ST6GALNAC3: variants seen among roughly 807,000 people sequenced by gnomAD.
ST6GALNAC3 encodes the protein ST6 N-acetylgalactosaminide alpha-2,6-sialyltransferase 3, also known as alpha-N-acetylgalactosaminide alpha-2,6-sialyltransferase 3.
In ST6GALNAC3, 25 loss-of-function variants were observed where a neutral mutation model predicts 32.7. The ratio of observed to expected loss-of-function variants is 0.76; its 90% confidence interval spans 0.56 to 1.07. The LOEUF (loss-of-function observed/expected upper bound fraction) is 1.07, where lower values mean the gene tolerates loss of function less well. ST6GALNAC3 is among the 50% of genes least tolerant of loss of function. ST6GALNAC3 has a pLI of 0.00. For missense variants in ST6GALNAC3, 355 were observed against 382.4 expected (o/e 0.93, Z 0.60); for synonymous variants, 129 against 133.1 (o/e 0.97, Z 0.21).
chr1:76,203,738 T>C (rs1654666313), intron 1 of ST6GALNAC3, among the ~76,000 whole-genome samples: 1 of 152,234 alleles, frequency 6.6e-6, no homozygotes, highest in African/African-American at 2.4e-5. Flanking sequence ...TGTATTCTAC[T>C]ATATAGATAT....
chr1:76,293,474 A>G (rs1017274138), intron 1 of ST6GALNAC3, among the ~76,000 whole-genome samples: 2 of 152,146 alleles, frequency 1.3e-5, no homozygotes, highest in Admixed American at 6.5e-5. Context: ...CTCTCTATTG[A>G]TACTATACAT....
intron 1 of ST6GALNAC3, among the ~76,000 whole-genome samples, chr1:76,099,288 A>G (rs1041341551): frequency 1.3e-5 from 2 of 152,152 alleles, no homozygotes; most frequent in Non-Finnish European, 2.9e-5. Flanking sequence ...AAATTCCACA[A>G]AAATTGTGGA....
At chr1:76,615,327 G>A (rs1648224570) in intron 3 of ST6GALNAC3, among the ~76,000 whole-genome samples, 1 of 152,046 alleles carries the variant, frequency 6.6e-6, no homozygotes, top group Non-Finnish European at 1.5e-5. Context: ...AGGCCCTTAA[G>A]ACTCAGCAGA....
intron 1 of ST6GALNAC3, among the ~76,000 whole-genome samples, chr1:76,194,481 T>C (rs1486008046): frequency 6.6e-6 from 1 of 150,608 alleles, no homozygotes; most frequent in African/African-American, 2.5e-5. Context: ...ATTTAATTTA[T>C]TTCAAAGTAA....
intron 2 of ST6GALNAC3, among the ~76,000 whole-genome samples, chr1:76,324,281 C>T (rs1390305287): frequency 2.0e-5 from 3 of 152,212 alleles, no homozygotes; most frequent in Non-Finnish European, 4.4e-5. Flanking sequence ...AGTGAATATT[C>T]TCCCATTCCT....
intron 1 of ST6GALNAC3, among the ~76,000 whole-genome samples, chr1:76,099,160 A>G (rs1231622061): frequency 6.6e-6 from 1 of 152,084 alleles, no homozygotes; most frequent in African/African-American, 2.4e-5. Context: ...GTAGTTTTTT[A>G]TGATAAGTTT....
At position 76,278,957 on chromosome 1, in the gene ST6GALNAC3, A is replaced by G. The variant is rs112066914; in HGVS notation, c.19-34848A>G. On this transcript the variant is annotated intron_variant, in intron 1 of 4. Transcript: ENST00000328299. The stretch of plus-strand genomic sequence containing the variant: ...ACAATTTTCTAAGCATTTGAGTACA[A>G]TGACCGGAATGGATAATCCTTTCTG... Among the ~76,000 whole-genome samples the G allele has an allele frequency of 1.8e-3, 281 of 152,336 alleles. 4 individuals are homozygous for G. The highest frequency in any genetic ancestry group is 6.4e-3 in the African/African-American group (267 of 41,582).
chr1:76,418,791 C>A lies in ST6GALNAC3; in HGVS notation c.623+6374C>A, dbSNP rs147431846. Among the ~76,000 whole-genome samples, 9 of 152,120 alleles carry A rather than the reference C, an allele frequency of 5.9e-5. No individual in the cohort carries two copies. In the East Asian group the frequency reaches 1.6e-3, roughly 26 times the overall value. On this transcript the variant is annotated intron_variant, in intron 3 of 4. Coordinates refer to ENST00000328299, the MANE Select transcript of ST6GALNAC3 (RefSeq NM_152996.4). ...TCCATAGGACTCCTTAGTCAAAAAG[C>A]ATAATACTGCATTCAGGGTTGTGTT... is the stretch of plus-strand genomic sequence containing the variant.
chr1:76,195,408 C>T (rs1654146403), intron 1 of ST6GALNAC3, among the ~76,000 whole-genome samples: 1 of 152,202 alleles, frequency 6.6e-6, no homozygotes, highest in Admixed American at 6.5e-5. Flanking sequence ...TTTCCCATTT[C>T]ATCACACAGA....
At chr1:76,466,960 G>A (rs1409291571) in intron 3 of ST6GALNAC3, among the ~76,000 whole-genome samples, 3 of 151,974 alleles carry the variant, frequency 2.0e-5, no homozygotes, top group Non-Finnish European at 4.4e-5. Flanking sequence ...AAAACTACTT[G>A]ACTGTGAAGA....
At chr1:76,594,900 TG>T (rs559538272) in intron 3 of ST6GALNAC3, among the ~76,000 whole-genome samples, 32 of 152,352 alleles carry the variant, frequency 2.1e-4, no homozygotes, top group African/African-American at 7.7e-4. Flanking sequence ...AGTGTTGCAC[TG>T]TATCCCACAT....
intron 3 of ST6GALNAC3, among the ~76,000 whole-genome samples, chr1:76,534,433 A>G (rs1038229784): frequency 3.9e-5 from 6 of 152,154 alleles, no homozygotes; most frequent in African/African-American, 1.4e-4. Flanking sequence ...CATAATGTAC[A>G]CATCGAGATC....
At chr1:76,541,288 C>T (rs953724270) in intron 3 of ST6GALNAC3, among the ~76,000 whole-genome samples, 2 of 152,018 alleles carry the variant, frequency 1.3e-5, no homozygotes, top group South Asian at 2.1e-4. Context: ...GAGTATGGAA[C>T]GTGGATCCAA....
chr1:76,557,944 A>T (rs750350226), intron 3 of ST6GALNAC3, among the ~76,000 whole-genome samples: 3 of 152,182 alleles, frequency 2.0e-5, no homozygotes, highest in Non-Finnish European at 4.4e-5. Flanking sequence ...TAAGAGGAAG[A>T]ATACAAAAGA....
chr1:76,098,090 G>A (rs1647165278), intron 1 of ST6GALNAC3, among the ~76,000 whole-genome samples: 1 of 152,166 alleles, frequency 6.6e-6, no homozygotes, highest in African/African-American at 2.4e-5. Context: ...GGCAATAAGA[G>A]ATGAGGAAAT....
chr1:76,257,742 T>C (rs1657999939), intron 1 of ST6GALNAC3, among the ~76,000 whole-genome samples: 1 of 152,048 alleles, frequency 6.6e-6, no homozygotes. Flanking sequence ...TGGGCCAAGA[T>C]TCACAGTTGA....
At chr1:76,155,765 C>T (rs375904186) in intron 1 of ST6GALNAC3, among the ~76,000 whole-genome samples, 23 of 152,280 alleles carry the variant, frequency 1.5e-4, no homozygotes, top group African/African-American at 5.1e-4. Flanking sequence ...GTGTGAGCCA[C>T]CGCGCCCGGC....
intron 2 of ST6GALNAC3, among the ~76,000 whole-genome samples, chr1:76,397,181 T>G (rs1571090427): frequency 6.6e-6 from 1 of 152,080 alleles, no homozygotes; most frequent in East Asian, 1.9e-4. Flanking sequence ...ATTTAAATCT[T>G]AATATCTGAT....
At chr1:76,330,747 C>T (rs1459662513) in intron 2 of ST6GALNAC3, among the ~76,000 whole-genome samples, 1 of 152,126 alleles carries the variant, frequency 6.6e-6, no homozygotes, top group South Asian at 2.1e-4. Flanking sequence ...GTAACTTATT[C>T]AAGGTCAGAT....
Sources: gnomAD v4.1 joint callset for allele counts (sites outside exome capture counted in the v4.1 genomes callset) on GRCh38, gnomAD v4.1.1 for gene constraint, MANE v1.5 for transcripts, NCBI Gene and HGNC (gene_info 2026-07-23, HGNC 2026-07-21) for gene names.